The following LRCH1 variants were observed in gnomAD, a reference collection of about 807,000 sequenced individuals.
LRCH1 encodes leucine-rich repeat and calponin homology domain-containing protein 1.
In LRCH1, 23 loss-of-function variants were observed where a neutral mutation model predicts 94.9. The ratio of observed to expected loss-of-function variants is 0.24; its 90% confidence interval spans 0.17 to 0.34. The LOEUF (loss-of-function observed/expected upper bound fraction) is 0.34, where lower values mean the gene tolerates loss of function less well. LRCH1 is among the 10% of genes least tolerant of loss of function. The pLI, the probability that LRCH1 is intolerant of heterozygous loss-of-function variation, is 1.00. For synonymous variants in LRCH1, 364 were observed against 354.9 expected (o/e 1.03, Z -0.29); for missense variants, 790 against 945.9 (o/e 0.84, Z 2.16).
At chr13:46,715,521 T>C (rs779993168) in intron 15 of LRCH1, 39 bp from the exon 16 acceptor site, 194 of 1,219,744 alleles carry the variant, frequency 1.6e-4, no homozygotes, top group Non-Finnish European at 2.1e-4. Flanking sequence ...CTGGTCCTTG[T>C]GCAACTGTAC....
intron 2 of LRCH1, among the ~76,000 whole-genome samples, chr13:46,653,737 G>A (rs759097982): frequency 6.6e-6 from 1 of 151,980 alleles, no homozygotes; most frequent in Non-Finnish European, 1.5e-5. Context: ...AGGCTGAGGT[G>A]AGAGGGTCTG....
chr13:46,679,665 G>T (rs544332481), intron 3 of LRCH1, among the ~76,000 whole-genome samples: 2 of 152,190 alleles, frequency 1.3e-5, no homozygotes, highest in Non-Finnish European at 2.9e-5. Flanking sequence ...TAGAGCAACC[G>T]CAGTTGGGGG....
chr13:46,610,393 GT>G (rs1467180146), intron 1 of LRCH1, among the ~76,000 whole-genome samples: 2 of 151,614 alleles, frequency 1.3e-5, no homozygotes, highest in Admixed American at 6.6e-5. Flanking sequence ...GAAAATTGTG[GT>G]CACTATAGTT....
chr13:46,735,920 G>A (rs1036763734), intron 19 of LRCH1, among the ~76,000 whole-genome samples: 5 of 150,066 alleles, frequency 3.3e-5, no homozygotes, highest in African/African-American at 9.8e-5. Context: ...CCTCAGCCTC[G>A]CAGGTAGCTG....
At chr13:46,603,002 A>ACATACATG (rs1321613537) in intron 1 of LRCH1, among the ~76,000 whole-genome samples, 29 of 151,752 alleles carry the variant, frequency 1.9e-4, no homozygotes, top group African/African-American at 7.0e-4. Context: ...ATACATACAT[A>ACATACATG]CATGTAAATA....
At chr13:46,748,103 G>A (rs114931703), downstream of LRCH1, among the ~76,000 whole-genome samples, 127 of 151,964 alleles carry the variant, frequency 8.4e-4, no homozygotes, top group African/African-American at 2.8e-3. Flanking sequence ...CTTATTAATC[G>A]GGCTTGTTTT....
chr13:46,677,074 C>A (rs546368094), intron 3 of LRCH1, among the ~76,000 whole-genome samples: 2 of 152,144 alleles, frequency 1.3e-5, no homozygotes, highest in South Asian at 4.1e-4. Flanking sequence ...AACATCGTGC[C>A]CGGCCTATGT....
At chr13:46,667,050 G>A (rs1428443985) in intron 2 of LRCH1, among the ~76,000 whole-genome samples, 1 of 152,176 alleles carries the variant, frequency 6.6e-6, no homozygotes, top group Non-Finnish European at 1.5e-5. Flanking sequence ...TCTTTTGCAA[G>A]CCAGGAACCT....
chr13:46,587,847 G>A (rs762966752), intron 1 of LRCH1, among the ~76,000 whole-genome samples: 29 of 152,114 alleles, frequency 1.9e-4, no homozygotes, highest in Non-Finnish European at 3.2e-4. Flanking sequence ...AATTCATATA[G>A]CACTTATTAT....
intron 1 of LRCH1, among the ~76,000 whole-genome samples, chr13:46,627,609 C>T (rs920957823): frequency 6.6e-6 from 1 of 152,130 alleles, no homozygotes; most frequent in Non-Finnish European, 1.5e-5. Context: ...TCCCTCTCAG[C>T]CCTGGTCCAC....
At chr13:46,747,530 C>T (rs1197522476), downstream of LRCH1, among the ~76,000 whole-genome samples, 2 of 152,304 alleles carry the variant, frequency 1.3e-5, no homozygotes, top group African/African-American at 4.8e-5. Flanking sequence ...AGATTAGGCT[C>T]TATGGGAATA....
chr13:46,676,224 G>A (rs112338404), intron 3 of LRCH1, among the ~76,000 whole-genome samples: 48 of 151,964 alleles, frequency 3.2e-4, no homozygotes, highest in African/African-American at 9.4e-4. Flanking sequence ...TTGCGCCACC[G>A]CACTCCAGCC....
intron 13 of LRCH1, among the ~76,000 whole-genome samples, chr13:46,708,372 A>AG (rs1441731028): frequency 6.6e-6 from 1 of 150,922 alleles, no homozygotes; most frequent in Non-Finnish European, 1.5e-5. Context: ...CGTGGGTTCA[A>AG]GCAATTCTCC....
At chr13:46,637,767 T>C (rs766830305) in intron 1 of LRCH1, among the ~76,000 whole-genome samples, 6 of 152,198 alleles carry the variant, frequency 3.9e-5, no homozygotes, top group Non-Finnish European at 7.3e-5. Context: ...TAACATGCCG[T>C]ATATTTTACT....
At chr13:46,626,861 T>TA (rs943732583) in intron 1 of LRCH1, among the ~76,000 whole-genome samples, 1 of 152,206 alleles carries the variant, frequency 6.6e-6, no homozygotes, top group Non-Finnish European at 1.5e-5. Flanking sequence ...AAGATTTTTT[T>TA]AAAAAAACAG....
At chr13:46,684,457 C>T (rs17068604) in intron 4 of LRCH1, among the ~76,000 whole-genome samples, 8,952 of 152,152 alleles carry the variant, frequency 0.059, 901 homozygotes, top group African/African-American at 0.2. Flanking sequence ...GAACTTAGCC[C>T]TCTAGTCTTG....
chr13:46,724,904 CAT>C (rs1347873529), intron 17 of LRCH1, among the ~76,000 whole-genome samples: 1 of 152,188 alleles, frequency 6.6e-6, no homozygotes, highest in Non-Finnish European at 1.5e-5. Flanking sequence ...AACCTGCACT[CAT>C]ATGTCTATCA....
chr13:46,612,614 T>A (rs1042575761), intron 1 of LRCH1, among the ~76,000 whole-genome samples: 2 of 152,168 alleles, frequency 1.3e-5, no homozygotes, highest in Non-Finnish European at 2.9e-5. Flanking sequence ...CAAGGACCAC[T>A]CTCTTTTCTT....
At chr13:46,663,541 A>C (rs987109469) in intron 2 of LRCH1, among the ~76,000 whole-genome samples, 1 of 152,238 alleles carries the variant, frequency 6.6e-6, no homozygotes, top group African/African-American at 2.4e-5. Context: ...TGTGCATATA[A>C]AGACAACAGT....
Sources: allele counts gnomAD v4.1 joint callset (sites outside exome capture counted in the v4.1 genomes callset), GRCh38; gene constraint gnomAD v4.1.1; transcripts MANE v1.5; gene names NCBI Gene and HGNC (gene_info 2026-07-23, HGNC 2026-07-21).